Variants in MAP2 observed in about 807,000 individuals in gnomAD.
MAP2 encodes the protein microtubule associated protein 2, also known as microtubule-associated protein 2.
In MAP2, 14 loss-of-function variants were observed where a neutral mutation model predicts 137.6. The ratio of observed to expected loss-of-function variants is 0.10; its 90% CI spans 0.07 to 0.16. MAP2 has a LOEUF of 0.16. Among genes scored for constraint, MAP2 ranks in the 10% least tolerant of loss-of-function variants. The pLI, the probability that MAP2 is intolerant of heterozygous loss-of-function variation, is 1.00. For missense variants in MAP2, 2,088 were observed against 2,191.5 expected (o/e 0.95, Z 0.94); for synonymous variants, 786 against 782.3 (o/e 1.00, Z -0.08).
At chr2:209,549,644 C>G (rs753639759) in intron 2 of MAP2, among the ~76,000 whole-genome samples, 1 of 152,134 alleles carries the variant, frequency 6.6e-6, no homozygotes, top group Non-Finnish European at 1.5e-5. Flanking sequence ...CTTCTTGAAG[C>G]ATATTGTTTT....
At chr2:209,641,065 T>A (rs1010670100) in intron 4 of MAP2, among the ~76,000 whole-genome samples, 3 of 152,064 alleles carry the variant, frequency 2.0e-5, no homozygotes, top group African/African-American at 7.2e-5. Flanking sequence ...AAGTACTGAT[T>A]GTTATTTTTA....
rs974584251 is a variant in MAP2, at chr2:209,733,537, C to T, written c.*3140C>T. On this transcript the variant is annotated 3_prime_UTR_variant, in exon 16 of 16. Transcript: ENST00000682079. ...CGTGGAATAATCAGCCAATATATAA[C>T]ATTCCATCAGTATTTTATTAAGGAA... 3 of 151,856 alleles carry T rather than the reference C, an allele frequency of 2.0e-5. No individual in the cohort carries two copies. Among genetic ancestry groups the T allele is most frequent in the African/African-American group, 4.8e-5 (2 of 41,238 alleles). The allele number at this position is 151,856 out of a possible 1,614,324, so 9.4% of individuals were successfully genotyped here.
chr2:209,452,000 C>G (rs145149417), intron 1 of MAP2, among the ~76,000 whole-genome samples: 473 of 152,264 alleles, frequency 3.1e-3, no homozygotes, highest in Admixed American at 7.7e-3. Context: ...ATCTTTCTCT[C>G]TTTTCAATAA....
At chr2:209,472,617 G>A (rs1156572277) in intron 1 of MAP2, among the ~76,000 whole-genome samples, 1 of 152,094 alleles carries the variant, frequency 6.6e-6, no homozygotes, top group Non-Finnish European at 1.5e-5. Context: ...ACCTCTTTGT[G>A]AATGAAAGAA....
intron 14 of MAP2, among the ~76,000 whole-genome samples, chr2:209,726,149 T>G (rs891210078): frequency 1.3e-5 from 2 of 152,314 alleles, no homozygotes; most frequent in South Asian, 2.1e-4. Flanking sequence ...CCAAGGTTTT[T>G]TTTCCTAAAA....
chr2:209,711,341 C>A (rs2065383260), intron 13 of MAP2, among the ~76,000 whole-genome samples: 1 of 152,136 alleles, frequency 6.6e-6, no homozygotes, highest in African/African-American at 2.4e-5. Context: ...CACTCCTACT[C>A]ACCAATGAAG....
chr2:209,648,415 A>T (rs1246285458), intron 4 of MAP2, among the ~76,000 whole-genome samples: 1 of 152,018 alleles, frequency 6.6e-6, no homozygotes, highest in Admixed American at 6.6e-5. Context: ...TTGGATTTTT[A>T]AAAAATGCTT....
intron 3 of MAP2, among the ~76,000 whole-genome samples, chr2:209,611,469 A>AAT (rs1285621467): frequency 2.6e-5 from 4 of 151,752 alleles, no homozygotes; most frequent in Admixed American, 1.3e-4. Context: ...ACACTGAAAA[A>AAT]ATATATATAT....
At chr2:209,661,654 T>G (rs2043682607) in intron 5 of MAP2, 1 of 985,342 alleles carries the variant, frequency 1.0e-6, no homozygotes, top group African/African-American at 1.7e-5. Flanking sequence ...AAGACAAGGA[T>G]TGATAGAAAA....
chr2:209,704,730 T>C, intron 11 of MAP2: 1 of 1,020,508 alleles, frequency 9.8e-7, no homozygotes, highest in Non-Finnish European at 1.4e-6. Context: ...TACTCTGAAG[T>C]GTTTGACACA....
intron 3 of MAP2, among the ~76,000 whole-genome samples, chr2:209,612,579 A>G (rs2087346832): frequency 6.6e-6 from 1 of 152,216 alleles, no homozygotes; most frequent in African/African-American, 2.4e-5. Flanking sequence ...CTGCCATATA[A>G]CAGCAGAAAT....
chr2:209,695,043 A>G lies in MAP2; in HGVS notation c.2873A>G (p.Asp958Gly), dbSNP rs1028903030. ...TTTGACCAAGAGAAGAAAGCTAATGATAGGTTGGATACTGTACTAGAAAAG... is the reference window on the plus strand; with the variant it reads ...TTTGACCAAGAGAAGAAAGCTAATGGTAGGTTGGATACTGTACTAGAAAAG... ...KEFDQEKKAN[D>G]RLDTVLEKSE... The change falls in exon 8 of 16, where the codon GAT becomes GGT. Residue 958 changes from aspartate (D) to glycine (G), a missense_variant. Transcript: ENST00000682079. 1.2e-6 allele frequency: 2 copies of G among 1,614,036 alleles called. No homozygotes were observed. Among genetic ancestry groups the G allele is most frequent in the African/African-American group, 1.3e-5 (1 of 74,928 alleles).
chr2:209,672,975 G>A (rs1372764148), intron 5 of MAP2, among the ~76,000 whole-genome samples: 1 of 151,726 alleles, frequency 6.6e-6, no homozygotes, highest in East Asian at 1.9e-4. Flanking sequence ...TTAATACCAA[G>A]AAAAGATATT....
At chr2:209,667,725 G>A (rs895561664) in intron 5 of MAP2, among the ~76,000 whole-genome samples, 19 of 151,872 alleles carry the variant, frequency 1.3e-4, no homozygotes, top group African/African-American at 4.3e-4. Context: ...AGCCCCAAAT[G>A]TCTATTCCAT....
intron 2 of MAP2, among the ~76,000 whole-genome samples, chr2:209,523,110 G>A (rs1415651147): frequency 6.6e-6 from 1 of 151,988 alleles, no homozygotes; most frequent in Non-Finnish European, 1.5e-5. Context: ...TATTCTCCAT[G>A]TTTTTTTCTG....
chr2:209,665,575 C>G (rs1038216951), intron 5 of MAP2, among the ~76,000 whole-genome samples: 1 of 152,108 alleles, frequency 6.6e-6, no homozygotes, highest in African/African-American at 2.4e-5. Flanking sequence ...TAATATGTGC[C>G]TCCTTTAAAG....
chr2:209,674,290 G>A (rs2050237241), intron 5 of MAP2, among the ~76,000 whole-genome samples: 1 of 151,662 alleles, frequency 6.6e-6, no homozygotes. Flanking sequence ...TACATGACTA[G>A]GGGAAAATAA....
chr2:209,640,945 C>A (rs190501766), intron 4 of MAP2, among the ~76,000 whole-genome samples: 1 of 129,352 alleles, frequency 7.7e-6, no homozygotes, highest in East Asian at 2.3e-4. Context: ...TTTGTTTTCT[C>A]TTAATTTTAA....
chr2:209,697,234 A>G (rs1314366465), intron 10 of MAP2, among the ~76,000 whole-genome samples, 183 bp downstream of exon 10: 1 of 152,052 alleles, frequency 6.6e-6, no homozygotes, highest in South Asian at 2.1e-4. Flanking sequence ...AGAAAAGGTC[A>G]TGACCATCTG....
Sources: allele counts gnomAD v4.1 joint callset (sites outside exome capture counted in the v4.1 genomes callset), GRCh38; gene constraint gnomAD v4.1.1; transcripts MANE v1.5; gene names NCBI Gene and HGNC (gene_info 2026-07-23, HGNC 2026-07-21).